DNMT3A: variants seen among roughly 807,000 people sequenced by gnomAD.
DNMT3A encodes DNA (cytosine-5)-methyltransferase 3A.
Under a neutral mutation model 117.6 loss-of-function variants are expected in DNMT3A, and 267 were observed. That is an observed-to-expected ratio of 2.27 (90% CI 2.05 to 2.51). The LOEUF is 2.51. Among genes scored for constraint, DNMT3A ranks in the 30% most tolerant of loss-of-function variants. The pLI is 0.00. For missense variants in DNMT3A, 1,029 were observed against 1,260.2 expected, an observed-to-expected ratio of 0.82 and a Z score of 2.78; for synonymous variants, 432 against 474.8, an observed-to-expected ratio of 0.91 and a Z score of 1.17.
At chr2:25,262,414 T>A (rs1018633508) in intron 6 of DNMT3A, among the ~76,000 whole-genome samples, 3 of 152,128 alleles carry the variant, frequency 2.0e-5, no homozygotes, top group African/African-American at 7.2e-5. Context: ...CTCATCAGAA[T>A]ACATAAGAAA....
intron 6 of DNMT3A, among the ~76,000 whole-genome samples, chr2:25,264,925 C>T (rs185533599): frequency 1.4e-4 from 22 of 152,250 alleles, no homozygotes; most frequent in Non-Finnish European, 2.5e-4. Flanking sequence ...CCCAACCTGC[C>T]GTGATGGAAT....
intron 3 of DNMT3A, among the ~76,000 whole-genome samples, chr2:25,297,762 GGCTTCCTAAATT>G (rs1237676453): frequency 6.6e-6 from 1 of 152,154 alleles, no homozygotes; most frequent in Non-Finnish European, 1.5e-5. Flanking sequence ...CGCCCACCTT[GGCTTCCTAAATT>G]GCTGGGATTA....
In DNMT3A at chr2:25,321,014, C is replaced by T. The variant is rs79749817; in HGVS notation, c.-177-6853G>A. ...AGGCATGATGGTGCATTCCTGTAAT[C>T]CCAGCTACTCGGGAAGGCTGAGGCA... On this transcript the variant is annotated intron_variant, in intron 1 of 22. Transcript: ENST00000321117. 1.2e-3 allele frequency among the ~76,000 whole-genome samples: 177 copies of T among 152,132 alleles called. 3 individuals carry two copies. In the Middle Eastern group the frequency reaches 0.058, roughly 50 times the overall value.
chr2:25,252,276 T>C lies in DNMT3A; in HGVS notation c.640-4024A>G. 4.0e-6 allele frequency: 2 copies of C among 502,252 alleles called. No homozygotes were observed. Among genetic ancestry groups the C allele is most frequent in the Non-Finnish European group, 5.1e-6 (2 of 393,062 alleles). 31.1% of individuals were successfully genotyped at this position (502,252 alleles called of 1,614,324 possible). On this transcript the variant is annotated intron_variant, in intron 6 of 22. Coordinates refer to ENST00000321117, the MANE Select transcript of DNMT3A (RefSeq NM_022552.5). The surrounding 1 kb of genome is among the most constrained non-coding windows in gnomAD (Gnocchi z 5.5). Reference sequence around the variant, plus strand: ...AAGCTCTGGAAGTAGCTGCCCGTCTTGGGGGAGGGGAAGGGGGCGATGGGG... The same window carrying C: ...AAGCTCTGGAAGTAGCTGCCCGTCTCGGGGGAGGGGAAGGGGGCGATGGGG...
Position 25,232,888 on chromosome 2 carries a change from G to A in DNMT3A, c.*1391C>T, listed in dbSNP as rs1379390227. ...TGACCAAAAACATCACATTCCAGGG[G>A]CCGGGAGCCGCCTTGTGCACAGAGG... On this transcript the variant is annotated 3_prime_UTR_variant, in exon 23 of 23. Coordinates refer to ENST00000321117, the MANE Select transcript of DNMT3A (RefSeq NM_022552.5). The surrounding 1 kb of genome is among the most constrained non-coding windows in gnomAD (Gnocchi z 4.1). The A allele has an allele frequency of 8.7e-6, 2 of 228,902 alleles. No homozygotes were observed. The highest frequency in any genetic ancestry group is 1.7e-5 in the Non-Finnish European group (2 of 115,460). 14.2% of individuals were successfully genotyped at this position (228,902 alleles called of 1,614,324 possible).
In DNMT3A at chr2:25,294,321, G is replaced by T. The variant is rs2032957748; in HGVS notation, c.177+5818C>A. Among the ~76,000 whole-genome samples the T allele has an allele frequency of 2.6e-5, 4 of 152,124 alleles. No homozygotes were observed. The South Asian group carries it at 8.3e-4, about 31-fold the overall frequency. ...GCTCAGGTCGGGGAGTGGGTGGGTG[G>T]AGCTGCAAGGTTCATAACCATAGGC... is the stretch of plus-strand genomic sequence containing the variant. On this transcript the variant is annotated intron_variant, in intron 3 of 22. Transcript: ENST00000321117. This position sits in a 1 kb window ranked among gnomAD's most constrained non-coding sequence, Gnocchi z 4.7.
chr2:25,291,561 G>A (rs1281967272), intron 3 of DNMT3A, among the ~76,000 whole-genome samples: 2 of 152,252 alleles, frequency 1.3e-5, no homozygotes, highest in African/African-American at 2.4e-5. Flanking sequence ...GGCTAAAAGC[G>A]CAGCCAGTGG....
At position 25,247,284 on chromosome 2, in the gene DNMT3A, G is replaced by A; in HGVS notation, c.1015-126C>T. The stretch of plus-strand genomic sequence containing the variant: ...TCAGCCCTGGAGGGGACCAGATACA[G>A]TGATAAATAATTACCCGATGCAAAG... On this transcript the variant is annotated intron_variant, in intron 8 of 22. Transcript: ENST00000321117. The surrounding 1 kb of genome is among the most constrained non-coding windows in gnomAD (Gnocchi z 5.6). The A allele has an allele frequency of 5.3e-6, 5 of 950,520 alleles. No individual in the cohort carries two copies. In the Middle Eastern group the frequency reaches 8.5e-4, roughly 162 times the overall value. The allele number at this position is 950,520 out of a possible 1,614,324, so 58.9% of individuals were successfully genotyped here.
At position 25,282,112 on chromosome 2, in the gene DNMT3A, G is replaced by A; in HGVS notation, c.448+329C>T. On this transcript the variant is annotated intron_variant, in intron 4 of 22. Transcript: ENST00000321117. This position sits in a 1 kb window ranked among gnomAD's most constrained non-coding sequence, Gnocchi z 5.2. ...GAGGGACCGCCATTATCCCAGTCTA[G>A]CAATCGTTGGCGTTATGAAAGCCCG... 8.8e-7 allele frequency: 1 copy of A among 1,141,104 alleles called. No individual in the cohort carries two copies. The highest frequency in any genetic ancestry group is 1.1e-6 in the Non-Finnish European group (1 of 890,244). The allele number at this position is 1,141,104 out of a possible 1,614,324, so 70.7% of individuals were successfully genotyped here.
In DNMT3A at chr2:25,337,660, A is replaced by G. The variant is rs574180671; in HGVS notation, c.-178+4166T>C. 1.4e-4 allele frequency among the ~76,000 whole-genome samples: 21 copies of G among 152,294 alleles called. No homozygotes were observed. The highest frequency in any genetic ancestry group is 2.5e-4 in the Non-Finnish European group (17 of 68,020). On this transcript the variant is annotated intron_variant, in intron 1 of 22. Transcript: ENST00000321117. The surrounding 1 kb of genome is among the most constrained non-coding windows in gnomAD (Gnocchi z 5.0). ...CCACGTACACACACATCATGCACAG[A>G]CACATGTGCACTGAACCTCGTCTTG... is the stretch of plus-strand genomic sequence containing the variant.
chr2:25,337,589 T>C lies in DNMT3A; in HGVS notation c.-178+4237A>G, dbSNP rs2035261918. ...CGAGGGCCTCAAGCTGCCTTGACAC[T>C]GGCTCATGTGGAAGCAAGTCCTACC... On this transcript the variant is annotated intron_variant, in intron 1 of 22. Transcript: ENST00000321117. This position sits in a 1 kb window ranked among gnomAD's most constrained non-coding sequence, Gnocchi z 5.0. 6.6e-6 allele frequency among the ~76,000 whole-genome samples: 1 copy of C among 152,222 alleles called. No homozygotes were observed. The highest frequency in any genetic ancestry group is 1.5e-5 in the Non-Finnish European group (1 of 68,030).
At chr2:25,238,036 T>C (rs1673558798) in intron 20 of DNMT3A, among the ~76,000 whole-genome samples, 1 of 152,230 alleles carries the variant, frequency 6.6e-6, no homozygotes, top group Non-Finnish European at 1.5e-5. Flanking sequence ...CAGTCGGCCC[T>C]GCATGCAGGA....
Position 25,298,279 on chromosome 2 carries a change from G to A in DNMT3A, c.177+1860C>T, listed in dbSNP as rs535445018. 2.4e-4 allele frequency among the ~76,000 whole-genome samples: 37 copies of A among 152,072 alleles called. No individual in the cohort carries two copies. Among genetic ancestry groups the A allele is most frequent in the Non-Finnish European group, 4.0e-4 (27 of 68,000 alleles). On this transcript the variant is annotated intron_variant, in intron 3 of 22. Transcript: ENST00000321117. The surrounding 1 kb of genome is among the most constrained non-coding windows in gnomAD (Gnocchi z 4.3). The stretch of plus-strand genomic sequence containing the variant: ...TCAGGCCAGGGGATGTAGGACTGCC[G>A]GCCCCTCTCCCCTCACTCGGCTGTG...
chr2:25,228,194 C>A lies in DNMT3A; in HGVS notation c.*6085G>T. 1 of 7,770 alleles carries A rather than the reference C, an allele frequency of 1.3e-4. No individual in the cohort carries two copies. Among genetic ancestry groups the A allele is most frequent in the African/African-American group, 5.3e-4 (1 of 1,874 alleles). 0.5% of individuals were successfully genotyped at this position (7,770 alleles called of 1,614,324 possible). On this transcript the variant is annotated 3_prime_UTR_variant, in exon 23 of 23. Coordinates refer to ENST00000321117, the MANE Select transcript of DNMT3A (RefSeq NM_022552.5). ...TTATTATTGTCAATAAATAGAGAAGCAACCCTAAAAAAAAAAAAAAAAAAA... is the reference window on the plus strand; with the variant it reads ...TTATTATTGTCAATAAATAGAGAAGAAACCCTAAAAAAAAAAAAAAAAAAA...
intron 1 of DNMT3A, among the ~76,000 whole-genome samples, chr2:25,321,750 G>A (rs2034605335): frequency 6.6e-6 from 1 of 152,190 alleles, no homozygotes; most frequent in East Asian, 1.9e-4. Flanking sequence ...GCCGAGTGTG[G>A]TGGCACATGC....
intron 1 of DNMT3A, among the ~76,000 whole-genome samples, chr2:25,331,823 G>C (rs2035023351): frequency 6.6e-6 from 1 of 151,934 alleles, no homozygotes; most frequent in African/African-American, 2.4e-5. Flanking sequence ...GCCTCCCCCT[G>C]GGGAAATCCC....
At position 25,304,994 on chromosome 2, in the gene DNMT3A, T is replaced by C. The variant is rs2033711333; in HGVS notation, c.73-4751A>G. Among the ~76,000 whole-genome samples the C allele has an allele frequency of 6.6e-6, 1 of 152,144 alleles. No homozygotes were observed. Among genetic ancestry groups the C allele is most frequent in the Non-Finnish European group, 1.5e-5 (1 of 68,034 alleles). On this transcript the variant is annotated intron_variant, in intron 2 of 22. Coordinates refer to ENST00000321117, the MANE Select transcript of DNMT3A (RefSeq NM_022552.5). This position sits in a 1 kb window ranked among gnomAD's most constrained non-coding sequence, Gnocchi z 4.3. ...AACGGTCAGCTCCTTGAGGGAAGTG[T>C]GGGTGTCTGATTCATGCTGGCATCC...
chr2:25,265,167 G>T (rs2030191292), intron 6 of DNMT3A, among the ~76,000 whole-genome samples: 1 of 152,206 alleles, frequency 6.6e-6, no homozygotes, highest in South Asian at 2.1e-4. Flanking sequence ...AGGACCACAT[G>T]AGTAGAGCAG....
In DNMT3A at chr2:25,240,326, CTT is replaced by C. The variant is rs750475955; in HGVS notation, c.2296_2297del (p.Lys766GlufsTer15). 4 of 1,614,090 alleles carry C rather than the reference CTT, an allele frequency of 2.5e-6. No individual in the cohort carries two copies. Among genetic ancestry groups the C allele is most frequent in the Non-Finnish European group, 3.4e-6 (4 of 1,180,040 alleles). ...CCTCGAGAAATCGCGAGATGTCCCT[CTT>C]GTCACTAACGCCCATGGCCACCACA... Reference protein sequence around the residue: ...ENVVAMGVSDKRDISRFLESN... With the variant: ...ENVVAMGVSDXRDISRFLESN... On this transcript the variant is annotated frameshift_variant, in exon 19 of 23. Coordinates refer to ENST00000321117, the MANE Select transcript of DNMT3A (RefSeq NM_022552.5). LOFTEE classifies it high-confidence loss of function.
Sources: gnomAD v4.1 joint callset for allele counts (sites outside exome capture counted in the v4.1 genomes callset) on GRCh38, gnomAD v4.1.1 for gene constraint, Gnocchi (gnomAD v3.1) non-coding constraint, MANE v1.5 for transcripts, NCBI Gene and HGNC (gene_info 2026-07-23, HGNC 2026-07-21) for gene names.